Variants in MYRIP observed in about 807,000 individuals in gnomAD.
MYRIP encodes myosin VIIA and Rab interacting protein, also known as rab effector MyRIP.
Under a neutral mutation model 98.0 loss-of-function variants are expected in MYRIP, and 49 were observed. That is an observed-to-expected ratio of 0.50 (90% CI 0.40 to 0.63). MYRIP has a LOEUF of 0.63. MYRIP is among the 30% of genes least tolerant of loss of function. MYRIP has a pLI of 0.00. For synonymous variants in MYRIP, 404 were observed against 409.5 expected (o/e 0.99, Z 0.16); for missense variants, 1,004 against 1,058.2 (o/e 0.95, Z 0.71).
chr3:40,203,957 T>TAA (rs1645162119), intron 10 of MYRIP, among the ~76,000 whole-genome samples: 1 of 8,330 alleles, frequency 1.2e-4, no homozygotes, highest in African/African-American at 6.5e-4. Context: ...ATATTATATA[T>TAA]TATATACATT....
intron 5 of MYRIP, among the ~76,000 whole-genome samples, chr3:40,165,445 G>A (rs764148999): frequency 6.6e-6 from 1 of 152,134 alleles, no homozygotes; most frequent in Non-Finnish European, 1.5e-5. Context: ...ATTCCACAAA[G>A]AATTTTCAAC....
chr3:39,809,295 G>T (rs1575258914), upstream of MYRIP, among the ~76,000 whole-genome samples: 2 of 151,730 alleles, frequency 1.3e-5, no homozygotes, highest in Middle Eastern at 7.0e-3. Flanking sequence ...CCGAACCGCG[G>T]CCCCAATACT....
At chr3:39,863,961 A>G (rs1942547455) in intron 1 of MYRIP, among the ~76,000 whole-genome samples, 1 of 152,178 alleles carries the variant, frequency 6.6e-6, no homozygotes, top group East Asian at 1.9e-4. Context: ...ATTATCACAT[A>G]GGCTGTATCT....
chr3:40,146,520 C>T (rs1799428), intron 3 of MYRIP, among the ~76,000 whole-genome samples: 93,788 of 152,070 alleles, frequency 0.62, 31,275 homozygotes, highest in Non-Finnish European at 0.74. Context: ...CCTGGCCACT[C>T]CAGTTGGCTG....
chr3:39,984,263 A>G (rs1027274496), intron 2 of MYRIP, among the ~76,000 whole-genome samples: 29 of 150,042 alleles, frequency 1.9e-4, no homozygotes, highest in African/African-American at 6.9e-4. Flanking sequence ...TTTAGGGTAC[A>G]TGTGCACATT....
At chr3:40,022,888 GT>G (rs1159991421) in intron 2 of MYRIP, among the ~76,000 whole-genome samples, 1 of 152,150 alleles carries the variant, frequency 6.6e-6, no homozygotes, top group Non-Finnish European at 1.5e-5. Context: ...GACGTTTTGA[GT>G]TTGATTCCAC....
rs562884201 is a variant in MYRIP, at chr3:39,973,865, G to A, written c.111-70185G>A. ...CTTTGAAACCAATAAGAACAAAGAC[G>A]CAACGTACCAGAATCTCTGGGACGC... On this transcript the variant is annotated intron_variant, in intron 2 of 16. Transcript: ENST00000302541. Among the ~76,000 whole-genome samples the A allele has an allele frequency of 2.1e-3, 320 of 152,142 alleles. 3 individuals are homozygous for A. Among genetic ancestry groups the A allele is most frequent in the Middle Eastern group, 0.01 (3 of 294 alleles).
At chr3:39,985,249 A>G (rs1337771527) in intron 2 of MYRIP, among the ~76,000 whole-genome samples, 3 of 146,330 alleles carry the variant, frequency 2.1e-5, no homozygotes, top group African/African-American at 7.7e-5. Context: ...CCAACTTACA[A>G]GGGACGTGAA....
chr3:39,885,098 TAACA>T (rs985037897), intron 1 of MYRIP, among the ~76,000 whole-genome samples: 2 of 151,950 alleles, frequency 1.3e-5, no homozygotes, highest in African/African-American at 2.4e-5. Flanking sequence ...ATAGGTTAAA[TAACA>T]AAAAGTCCTT....
intron 10 of MYRIP, among the ~76,000 whole-genome samples, chr3:40,192,353 T>TGTCATATATATATATGTCATATATATATG (rs1491229160): frequency 1.4e-5 from 2 of 138,362 alleles, no homozygotes; most frequent in African/African-American, 5.2e-5. Flanking sequence ...CATATATATA[T>TGTCATATATATATATGTCATATATATATG]TTATATTTAT....
intron 1 of MYRIP, among the ~76,000 whole-genome samples, chr3:39,877,605 C>G (rs1348933140): frequency 6.6e-6 from 1 of 152,198 alleles, no homozygotes; most frequent in Non-Finnish European, 1.5e-5. Context: ...GCTAGAGGTC[C>G]ACTCCAGACC....
intron 1 of MYRIP, among the ~76,000 whole-genome samples, chr3:39,825,295 C>A (rs1372923576): frequency 2.0e-5 from 3 of 152,086 alleles, no homozygotes; most frequent in African/African-American, 7.2e-5. Context: ...AAGCTTTTGG[C>A]TTTTTCCCAT....
At position 40,210,015 on chromosome 3, in the gene MYRIP, C is replaced by G. The variant is rs1951878354; in HGVS notation, c.1827C>G (p.Pro609=). Residue 609 remains proline, a synonymous_variant, in exon 11 of 17, where the codon CCC becomes CCG. Transcript: ENST00000302541. The part of the protein sequence containing the change: ...TSSGEDQESE[P]KTESENQKES... ...CAGGGGAGGATCAGGAGTCTGAGCC[C>G]AAGACAGAATCTGAGAACCAGAAGG... 6.2e-7 allele frequency: 1 copy of G among 1,613,904 alleles called. No individual in the cohort carries two copies. The highest frequency in any genetic ancestry group is 1.7e-5 in the Admixed American group (1 of 59,982).
intron 2 of MYRIP, among the ~76,000 whole-genome samples, chr3:39,939,243 A>G (rs1944725297): frequency 6.6e-6 from 1 of 152,086 alleles, no homozygotes. Context: ...TCTGTGGCCA[A>G]CCTCTAAGGA....
intron 4 of MYRIP, among the ~76,000 whole-genome samples, chr3:40,157,943 C>A (rs1158413888): frequency 2.0e-5 from 3 of 152,170 alleles, no homozygotes; most frequent in South Asian, 2.1e-4. Context: ...TTTCAAAAAA[C>A]CAGCTCCTGG....
chr3:39,814,723 C>T (rs1214631816), intron 1 of MYRIP, among the ~76,000 whole-genome samples: 1 of 152,130 alleles, frequency 6.6e-6, no homozygotes, highest in Non-Finnish European at 1.5e-5. Flanking sequence ...TCTTCTTACC[C>T]TTTTTCCTTA....
At chr3:40,061,428 G>A (rs144410036) in intron 3 of MYRIP, among the ~76,000 whole-genome samples, 12 of 152,268 alleles carry the variant, frequency 7.9e-5, no homozygotes, top group African/African-American at 1.4e-4. Context: ...TCTTTTTTAC[G>A]GCTGCATCAT....
chr3:39,829,485 C>T (rs1455717610), intron 1 of MYRIP, among the ~76,000 whole-genome samples: 2 of 152,156 alleles, frequency 1.3e-5, no homozygotes, highest in East Asian at 1.9e-4. Context: ...TGTTTTTTCA[C>T]TTGTAGTCCA....
At chr3:40,049,476 G>A (rs1947741601) in intron 3 of MYRIP, among the ~76,000 whole-genome samples, 1 of 151,958 alleles carries the variant, frequency 6.6e-6, no homozygotes. Context: ...ATATAAGACA[G>A]GACAAACTTA....
Sources: allele counts gnomAD v4.1 joint callset (sites outside exome capture counted in the v4.1 genomes callset), GRCh38; gene constraint gnomAD v4.1.1; transcripts MANE v1.5; gene names NCBI Gene and HGNC (gene_info 2026-07-23, HGNC 2026-07-21).